The following MFN1 variants were observed in gnomAD, a reference collection of about 807,000 sequenced individuals.
MFN1 encodes mitofusin 1.
Under a neutral mutation model 92.4 loss-of-function variants are expected in MFN1, and 65 were observed. The ratio of observed to expected loss-of-function variants is 0.70; its 90% CI spans 0.58 to 0.86. The LOEUF (loss-of-function observed/expected upper bound fraction) is 0.86, where lower values mean the gene tolerates loss of function less well. Ranked by LOEUF, MFN1 falls within the 40% of genes least tolerant of loss-of-function variation. MFN1 has a pLI of 0.00. For synonymous variants in MFN1, 297 were observed against 300.9 expected, an observed-to-expected ratio of 0.99 and a Z score of 0.13; for missense variants, 781 against 868.0, an observed-to-expected ratio of 0.90 and a Z score of 1.26.
intron 17 of MFN1, among the ~76,000 whole-genome samples, 184 bp downstream of exon 17, chr3:179,390,322 T>C (rs528705344): frequency 1.3e-5 from 2 of 152,322 alleles, no homozygotes; most frequent in Admixed American, 1.3e-4. Flanking sequence ...ATCTTCCATA[T>C]TTAATTCCAT....
intron 4 of MFN1, 68 bp downstream of exon 4, chr3:179,359,070 A>G (rs897675686): frequency 1.4e-6 from 2 of 1,431,426 alleles, no homozygotes; most frequent in Non-Finnish European, 1.9e-6. Flanking sequence ...CTTTAATAAC[A>G]TTTTTATAAG....
intron 3 of MFN1, among the ~76,000 whole-genome samples, chr3:179,358,119 G>C (rs1051056943): frequency 6.7e-6 from 1 of 149,086 alleles, no homozygotes. Flanking sequence ...TTATGACCTA[G>C]TCTTGGAAGT....
chr3:179,361,789 C>T (rs1471909876), intron 4 of MFN1, among the ~76,000 whole-genome samples: 1 of 152,124 alleles, frequency 6.6e-6, no homozygotes, highest in African/African-American at 2.4e-5. Context: ...CCACCTGCCT[C>T]GGCCTCCCAA....
intron 10 of MFN1, among the ~76,000 whole-genome samples, chr3:179,376,249 CCT>C (rs1713235714): frequency 6.6e-6 from 1 of 152,128 alleles, no homozygotes; most frequent in Non-Finnish European, 1.5e-5. Context: ...GAACTCAGCC[CCT>C]GTGTACAGCC....
chr3:179,352,758 T>TC, intron 3 of MFN1, among the ~76,000 whole-genome samples: 1 of 152,054 alleles, frequency 6.6e-6, no homozygotes, highest in East Asian at 1.9e-4. Flanking sequence ...TCAGCATTTT[T>TC]TTTTTCCCCC....
Position 179,385,677 on chromosome 3 carries a change from G to A in MFN1, c.1771G>A (p.Val591Ile), listed in dbSNP as rs781025338. Residue 591 changes from valine to isoleucine, a missense_variant, in exon 15 of 18, where the codon GTT (valine) becomes ATT (isoleucine). Transcript: ENST00000471841. ...MITLVTGLAS[V>I]TSRTSMGIII... is the part of the protein sequence containing the mutation. ...TACATTAGTAACAGGATTGGCGTCC[G>A]TTACATCTAGAACTTCTATGGGCAT... 12 of 1,613,706 alleles carry A rather than the reference G, an allele frequency of 7.4e-6. No homozygotes were observed. The highest frequency in any genetic ancestry group is 1.1e-5 in the South Asian group (1 of 91,036).
chr3:179,358,308 C>T (rs568354955), intron 3 of MFN1, among the ~76,000 whole-genome samples: 1 of 152,018 alleles, frequency 6.6e-6, no homozygotes, highest in Admixed American at 6.6e-5. Context: ...CCCCCCACCA[C>T]ACCTGGCTAA....
intron 9 of MFN1, among the ~76,000 whole-genome samples, chr3:179,374,552 T>A (rs1356554833): frequency 3.9e-5 from 6 of 151,960 alleles, no homozygotes; most frequent in Admixed American, 6.6e-5. Context: ...CTATTTTAAA[T>A]GGGTTGTTAG....
intron 2 of MFN1, among the ~76,000 whole-genome samples, chr3:179,350,395 A>G (rs1486568504): frequency 6.6e-6 from 1 of 152,168 alleles, no homozygotes; most frequent in Non-Finnish European, 1.5e-5. Context: ...AAATAGTAGT[A>G]TAGAATCTTT....
chr3:179,379,684 C>T (rs1170887511), intron 14 of MFN1, among the ~76,000 whole-genome samples: 3 of 152,102 alleles, frequency 2.0e-5, no homozygotes, highest in Non-Finnish European at 4.4e-5. Flanking sequence ...CCTACAGATA[C>T]CCTTGTGGGT....
chr3:179,390,216 G>T (rs560958844), intron 17 of MFN1, 78 bp downstream of exon 17: 3 of 1,175,078 alleles, frequency 2.6e-6, no homozygotes, highest in Non-Finnish European at 1.1e-6. Context: ...TAATGAATTT[G>T]TATTCATTCC....
intron 5 of MFN1, among the ~76,000 whole-genome samples, chr3:179,363,414 A>G (rs949620638): frequency 2.0e-5 from 3 of 152,186 alleles, no homozygotes; most frequent in Non-Finnish European, 4.4e-5. Flanking sequence ...ACATTTAAAA[A>G]TAACTAAAAG....
intron 3 of MFN1, among the ~76,000 whole-genome samples, chr3:179,355,150 A>G (rs1473110412): frequency 6.6e-6 from 1 of 152,088 alleles, no homozygotes; most frequent in East Asian, 1.9e-4. Flanking sequence ...TTGCCATGGC[A>G]TCTAAACTGT....
At chr3:179,353,726 G>C (rs115517431) in intron 3 of MFN1, among the ~76,000 whole-genome samples, 196 of 152,292 alleles carry the variant, frequency 1.3e-3, no homozygotes, top group African/African-American at 4.4e-3. Flanking sequence ...CTCCATAACT[G>C]GTTATTCAGC....
At chr3:179,352,154 A>G in intron 3 of MFN1, 119 bp downstream of exon 3, 2 of 1,029,682 alleles carry the variant, frequency 1.9e-6, no homozygotes, top group Non-Finnish European at 1.4e-6. Flanking sequence ...CCTGTGTTGA[A>G]TGTTAAAGCT....
intron 9 of MFN1, among the ~76,000 whole-genome samples, chr3:179,368,712 T>C (rs1577008523): frequency 6.6e-6 from 1 of 152,186 alleles, no homozygotes; most frequent in South Asian, 2.1e-4. Flanking sequence ...TTATGTTGCA[T>C]TGTAAGTGTT....
rs1560201178 is a variant in MFN1 at position 179,385,658 on chromosome 3, A to C, written c.1752A>C (p.Leu584Phe). ...NASQEELMIT[L>F]VTGLASVTSR... ...CACAGGAAGAACTCATGATTACATT[A>C]GTAACAGGATTGGCGTCCGTTACAT... Residue 584 changes from leucine to phenylalanine, a missense_variant, in exon 15 of 18, where the codon TTA (leucine) becomes TTC (phenylalanine). Physicochemically the swap from Leu to Phe is conservative, Grantham distance 22 (BLOSUM62 0). Coordinates refer to ENST00000471841, the MANE Select transcript of MFN1 (RefSeq NM_033540.3). 1 of 1,613,964 alleles carries C rather than the reference A, an allele frequency of 6.2e-7. No homozygotes were observed. The highest frequency in any genetic ancestry group is 2.2e-5 in the East Asian group (1 of 44,848).
intron 2 of MFN1, among the ~76,000 whole-genome samples, chr3:179,351,267 G>A (rs905772649): frequency 6.6e-6 from 1 of 152,214 alleles, no homozygotes; most frequent in African/African-American, 2.4e-5. Context: ...GCTGGGATGT[G>A]CGGTTAAACC....
intron 12 of MFN1, chr3:179,378,122 T>A: frequency 3.9e-6 from 2 of 514,018 alleles, no homozygotes; most frequent in South Asian, 2.5e-5. Flanking sequence ...TACTCAGGAG[T>A]CTGAGGCAGG....
Sources: gnomAD v4.1 joint callset for allele counts (sites outside exome capture counted in the v4.1 genomes callset) on GRCh38, gnomAD v4.1.1 for gene constraint, MANE v1.5 for transcripts, NCBI Gene and HGNC (gene_info 2026-07-23, HGNC 2026-07-21) for gene names.